MS4A10: variants seen among roughly 807,000 people sequenced by gnomAD.
The protein encoded by MS4A10 is membrane-spanning 4-domains subfamily A member 10.
MS4A10 carries 27 observed loss-of-function variants against 27.7 expected under a neutral mutation model. That is an observed-to-expected ratio of 0.98 (90% CI 0.72 to 1.35). The LOEUF (loss-of-function observed/expected upper bound fraction) is 1.35. MS4A10 is among the 40% of genes most tolerant of loss of function. MS4A10 has a pLI of 0.00. For synonymous variants in MS4A10, 139 were observed against 131.2 expected (o/e 1.06, Z -0.41); for missense variants, 338 against 324.7 (o/e 1.04, Z -0.32).
intron 7 of MS4A10, among the ~76,000 whole-genome samples, 172 bp downstream of exon 7, chr11:60,798,686 T>A (rs575481136): frequency 6.6e-6 from 1 of 152,180 alleles, no homozygotes; most frequent in African/African-American, 2.4e-5. Flanking sequence ...AATGGTCCTA[T>A]CCCCTCAGGC....
chr11:60,796,399 C>T (rs1854532743), intron 6 of MS4A10, among the ~76,000 whole-genome samples: 2 of 152,182 alleles, frequency 1.3e-5, no homozygotes, highest in South Asian at 4.1e-4. Flanking sequence ...TCTCCTACCT[C>T]AGCCTCCCAA....
intron 3 of MS4A10, 151 bp from the exon 4 acceptor site, chr11:60,792,114 C>T (rs1325675341): frequency 3.0e-6 from 2 of 659,478 alleles, no homozygotes; most frequent in African/African-American, 3.6e-5. Flanking sequence ...ACATGGCAGG[C>T]AAGAGGAGCT....
intron 6 of MS4A10, among the ~76,000 whole-genome samples, chr11:60,797,230 G>A (rs545737420): frequency 6.6e-5 from 10 of 152,306 alleles, no homozygotes; most frequent in Non-Finnish European, 1.3e-4. Flanking sequence ...CTGCAGCTAT[G>A]AGCAATAATT....
intron 3 of MS4A10, among the ~76,000 whole-genome samples, chr11:60,791,441 C>A (rs1854429742): frequency 6.6e-6 from 1 of 152,240 alleles, no homozygotes; most frequent in African/African-American, 2.4e-5. Context: ...CCTCTGGATC[C>A]AGCTACAGGT....
Position 60,793,967 on chromosome 11 carries a change from T to A in MS4A10, c.361-5T>A. ...ACAGCTGTTACCTTTATTTTTCACCTATAGAAGATGTTGTGCCTGATGACA... is the reference window on the plus strand; with the variant it reads ...ACAGCTGTTACCTTTATTTTTCACCAATAGAAGATGTTGTGCCTGATGACA... On this transcript the variant is annotated splice_polypyrimidine_tract_variant and splice_region_variant and intron_variant, in intron 4 of 7. Transcript: ENST00000308287. 6.2e-7 allele frequency: 1 copy of A among 1,613,876 alleles called. No homozygotes were observed. Among genetic ancestry groups the A allele is most frequent in the Non-Finnish European group, 8.5e-7 (1 of 1,179,988 alleles).
chr11:60,787,877 C>T (rs1170407713), intron 1 of MS4A10, among the ~76,000 whole-genome samples: 1 of 151,952 alleles, frequency 6.6e-6, no homozygotes, highest in African/African-American at 2.4e-5. Context: ...ATTAGCAGGG[C>T]GTGGTGGCAG....
chr11:60,789,684 G>A lies in MS4A10; in HGVS notation c.-22-630G>A, dbSNP rs568358115. Reference sequence around the variant, plus strand: ...TCATCTGCAAAATGAGAGTGAGGACGGTATTTACCTCATAGGGTTGGAATG... The same window carrying A: ...TCATCTGCAAAATGAGAGTGAGGACAGTATTTACCTCATAGGGTTGGAATG... On this transcript the variant is annotated intron_variant, in intron 1 of 7. Coordinates refer to ENST00000308287, the MANE Select transcript of MS4A10 (RefSeq NM_206893.4). Among the ~76,000 whole-genome samples, 6 of 152,272 alleles carry A rather than the reference G, an allele frequency of 3.9e-5. No individual in the cohort carries two copies. In the East Asian group the frequency reaches 9.6e-4, roughly 24 times the overall value.
rs541744690 is a variant in MS4A10, at chr11:60,792,585, G to A, written c.360+264G>A. ...AGGCAGAGAAGGAAATGGCTCCCAG[G>A]CACCCTGACCCATCCATCTAGGACA... On this transcript the variant is annotated intron_variant, in intron 4 of 7. Transcript: ENST00000308287. Among the ~76,000 whole-genome samples, 38 of 152,286 alleles carry A rather than the reference G, an allele frequency of 2.5e-4. No individual in the cohort carries two copies. In the East Asian group the frequency reaches 6.0e-3, roughly 24 times the overall value.
Position 60,798,444 on chromosome 11 carries a change from C to G in MS4A10, c.652C>G (p.Leu218Val). 1 of 1,614,182 alleles carries G rather than the reference C, an allele frequency of 6.2e-7. No individual in the cohort carries two copies. The highest frequency in any genetic ancestry group is 1.1e-5 in the South Asian group (1 of 91,080). ...VPNTPLHLKGLPVEPPPSYQS... is the reference protein window; with the variant it reads ...VPNTPLHLKGVPVEPPPSYQS... ...GAATACACCATTGCATCTCAAAGGC[C>G]TGCCGGTGGAGCCCCCGCCATCCTA... is the stretch of plus-strand genomic sequence containing the variant. Residue 218 changes from leucine to valine, a missense_variant, in exon 7 of 8, where the codon CTG (leucine) becomes GTG (valine). Coordinates refer to ENST00000308287, the MANE Select transcript of MS4A10 (RefSeq NM_206893.4).
At chr11:60,786,172 T>TGCAC (rs1554971090) in intron 1 of MS4A10, among the ~76,000 whole-genome samples, 2 of 131,380 alleles carry the variant, frequency 1.5e-5, no homozygotes, top group South Asian at 4.7e-4. Context: ...TGCACACACA[T>TGCAC]GCACACACAC....
At chr11:60,797,588 C>A (rs1004258702) in intron 6 of MS4A10, among the ~76,000 whole-genome samples, 1 of 152,158 alleles carries the variant, frequency 6.6e-6, no homozygotes, top group Non-Finnish European at 1.5e-5. Context: ...CCTCTTCTAC[C>A]TTTAAGGACC....
intron 1 of MS4A10, among the ~76,000 whole-genome samples, chr11:60,787,960 T>A (rs549633565): frequency 4.5e-4 from 69 of 152,086 alleles, no homozygotes; most frequent in Admixed American, 9.8e-4. Context: ...GAGGTTGCGG[T>A]GAGCCAAGAT....
chr11:60,797,024 G>C (rs751621349), intron 6 of MS4A10, among the ~76,000 whole-genome samples: 5 of 152,102 alleles, frequency 3.3e-5, no homozygotes, highest in Non-Finnish European at 7.4e-5. Flanking sequence ...CACACACCAA[G>C]TGTTCACATA....
chr11:60,790,233 A>T, intron 1 of MS4A10, 81 bp from the exon 2 acceptor site: 1 of 1,200,464 alleles, frequency 8.3e-7, no homozygotes, highest in Non-Finnish European at 1.2e-6. Context: ...TCCCTTAAAC[A>T]GAGGTGATTG....
At chr11:60,794,184 A>C in intron 5 of MS4A10, 81 bp downstream of exon 5, 3 of 1,557,560 alleles carry the variant, frequency 1.9e-6, no homozygotes, top group Non-Finnish European at 2.6e-6. Context: ...TTTCCAGCTC[A>C]CAGAAAGCCC....
chr11:60,791,264 A>T (rs143791158), intron 3 of MS4A10, among the ~76,000 whole-genome samples, 171 bp downstream of exon 3: 231 of 152,286 alleles, frequency 1.5e-3, no homozygotes, highest in African/African-American at 5.3e-3. Flanking sequence ...TCTTAGTCAC[A>T]ATGGAAATAG....
At chr11:60,795,507 G>A in intron 5 of MS4A10, 48 bp from the exon 6 acceptor site, 2 of 1,319,830 alleles carry the variant, frequency 1.5e-6, no homozygotes, top group African/African-American at 1.5e-5. Flanking sequence ...GATGCGTGCA[G>A]ACACCCAGCG....
Position 60,795,621 on chromosome 11 carries a change from C to A in MS4A10, c.559C>A (p.Pro187Thr), listed in dbSNP as rs1453820956. 2.5e-6 allele frequency: 4 copies of A among 1,595,624 alleles called. No individual in the cohort carries two copies. In the East Asian group the frequency reaches 6.9e-5, roughly 28 times the overall value. Residue 187 changes from proline (P) to threonine (T), a missense_variant, in exon 6 of 8, where the codon CCC (proline) becomes ACC (threonine). Transcript: ENST00000308287. Reference sequence around the variant, plus strand: ...TGTCCTAGAGCTCTTCCTGCCAGTGCCCACAGCTGTCACAGCCTGGAGAGG... The same window carrying A: ...TGTCCTAGAGCTCTTCCTGCCAGTGACCACAGCTGTCACAGCCTGGAGAGG... Reference protein sequence around the residue: ...FTVLELFLPVPTAVTAWRGDC... With the variant: ...FTVLELFLPVTTAVTAWRGDC...
chr11:60,787,193 T>C (rs1854354430), intron 1 of MS4A10, among the ~76,000 whole-genome samples: 2 of 149,728 alleles, frequency 1.3e-5, no homozygotes, highest in Middle Eastern at 3.2e-3. Flanking sequence ...GCTGGGTCCG[T>C]GGTCCTGAGC....
Sources: allele counts gnomAD v4.1 joint callset (sites outside exome capture counted in the v4.1 genomes callset), GRCh38; gene constraint gnomAD v4.1.1; transcripts MANE v1.5; gene names NCBI Gene and HGNC (gene_info 2026-07-23, HGNC 2026-07-21).